FANCD2: variants seen among roughly 807,000 people sequenced by gnomAD.
FANCD2 encodes the protein FA complementation group D2, also known as Fanconi anemia group D2 protein.
In FANCD2, 131 loss-of-function variants were observed where a neutral mutation model predicts 192.3. The ratio of observed to expected loss-of-function variants is 0.68; its 90% confidence interval spans 0.59 to 0.79. The LOEUF (loss-of-function observed/expected upper bound fraction) is 0.79. Ranked by LOEUF, FANCD2 falls within the 30% of genes least tolerant of loss-of-function variation. The pLI is 0.00. For missense variants in FANCD2, 1,508 were observed against 1,701.6 expected (o/e 0.89, Z 2.00); for synonymous variants, 524 against 612.5 (o/e 0.86, Z 2.13).
intron 18 of FANCD2, among the ~76,000 whole-genome samples, chr3:10,058,496 T>C (rs982986919): frequency 6.6e-6 from 1 of 152,210 alleles, no homozygotes; most frequent in Non-Finnish European, 1.5e-5. Flanking sequence ...TTGATCCACT[T>C]TGTGTTAATT....
At chr3:10,088,032 A>C (rs1419244517) in intron 34 of FANCD2, among the ~76,000 whole-genome samples, 1 of 152,212 alleles carries the variant, frequency 6.6e-6, no homozygotes, top group Non-Finnish European at 1.5e-5. Context: ...GCAAGATAAA[A>C]ATGCAAAACA....
At position 10,065,857 on chromosome 3, in the gene FANCD2, C is replaced by G; in HGVS notation, c.2270-7C>G. ...AAAGGTAGTTGGAAATGTTTGTTCT[C>G]TCTCAGATTGTCCTATATTCCTAAC... On this transcript the variant is annotated splice_region_variant and splice_polypyrimidine_tract_variant and intron_variant, in intron 24 of 43. Coordinates refer to ENST00000675286, the MANE Select transcript of FANCD2 (RefSeq NM_001018115.3). 6.4e-7 allele frequency: 1 copy of G among 1,571,418 alleles called. No homozygotes were observed. Among genetic ancestry groups the G allele is most frequent in the Non-Finnish European group, 8.8e-7 (1 of 1,141,264 alleles).
intron 26 of FANCD2, among the ~76,000 whole-genome samples, chr3:10,068,328 T>C (rs1259903446): frequency 6.6e-6 from 1 of 152,144 alleles, no homozygotes; most frequent in Non-Finnish European, 1.5e-5. Flanking sequence ...GTAGCATTTC[T>C]GTATGCCAAC....
chr3:10,095,130 G>A, intron 40 of FANCD2, 70 bp from the exon 41 acceptor site: 2 of 1,302,292 alleles, frequency 1.5e-6, no homozygotes, highest in South Asian at 1.2e-5. Flanking sequence ...GCTTTTGATT[G>A]CAAGGGTATC....
At chr3:10,073,898 G>A (rs1693386865) in intron 28 of FANCD2, among the ~76,000 whole-genome samples, 1 of 152,184 alleles carries the variant, frequency 6.6e-6, no homozygotes, top group South Asian at 2.1e-4. Flanking sequence ...TGCTGGAGCT[G>A]GGGTTTGAAG....
intron 26 of FANCD2, among the ~76,000 whole-genome samples, chr3:10,070,486 C>G (rs1693156560): frequency 8.9e-6 from 1 of 112,568 alleles, no homozygotes; most frequent in East Asian, 2.5e-4. Flanking sequence ...GGCCAGCCTC[C>G]CGGTCCGGGA....
rs2087592559 is a variant in FANCD2, at chr3:10,062,250, T to A, written c.1827+39T>A. The A allele has an allele frequency of 2.6e-6, 4 of 1,532,216 alleles. No homozygotes were observed. In the South Asian group the frequency reaches 3.4e-5, roughly 13 times the overall value. 94.9% of individuals were successfully genotyped at this position (1,532,216 alleles called of 1,614,324 possible). ...TTCCTTTCTTTCTTTTTCCTGTCTT[T>A]TTTTTTTTTTTAGAGAGTCTCGCTC... On this transcript the variant is annotated intron_variant, in intron 20 of 43. Coordinates refer to ENST00000675286, the MANE Select transcript of FANCD2 (RefSeq NM_001018115.3).
At chr3:10,052,971 G>A (rs1316711129) in intron 18 of FANCD2, among the ~76,000 whole-genome samples, 27 of 128,722 alleles carry the variant, frequency 2.1e-4, no homozygotes, top group African/African-American at 4.5e-4. Context: ...TCAGTGTGGC[G>A]ATTCCTCAGG....
chr3:10,095,100 C>T, intron 40 of FANCD2, 100 bp from the exon 41 acceptor site: 1 of 989,502 alleles, frequency 1.0e-6, no homozygotes, highest in Admixed American at 1.9e-5. Context: ...CTGGAAACTG[C>T]AGAGTTTATC....
intron 24 of FANCD2, 121 bp from the exon 25 acceptor site, chr3:10,065,743 C>A (rs944514809): frequency 4.0e-6 from 3 of 743,902 alleles, no homozygotes; most frequent in Non-Finnish European, 7.3e-6. Flanking sequence ...TTAATCAGAT[C>A]TTGGCCTTCA....
intron 42 of FANCD2, among the ~76,000 whole-genome samples, chr3:10,097,356 T>C (rs759718454): frequency 6.6e-6 from 1 of 152,186 alleles, no homozygotes; most frequent in African/African-American, 2.4e-5. Flanking sequence ...GACTGGAGTT[T>C]ATTTCACCTC....
chr3:10,098,476 AT>A (rs148286213), intron 42 of FANCD2, among the ~76,000 whole-genome samples: 115 of 152,302 alleles, frequency 7.6e-4, no homozygotes, highest in African/African-American at 2.6e-3. Flanking sequence ...ATGTAGTGTG[AT>A]ACTAGCATAC....
At chr3:10,051,155 C>T (rs1458220705) in intron 17 of FANCD2, among the ~76,000 whole-genome samples, 10 of 150,386 alleles carry the variant, frequency 6.6e-5, no homozygotes, top group Non-Finnish European at 1.2e-4. Flanking sequence ...CCGAGGTGGG[C>T]GGATCACGAG....
At chr3:10,055,079 C>T (rs1282535137) in intron 18 of FANCD2, among the ~76,000 whole-genome samples, 1 of 152,100 alleles carries the variant, frequency 6.6e-6, no homozygotes, top group African/African-American at 2.4e-5. Context: ...TTAGCTTTTG[C>T]ATTTAGCAGT....
intron 43 of FANCD2, among the ~76,000 whole-genome samples, 164 bp from the exon 44 acceptor site, chr3:10,101,024 A>G (rs773091344): frequency 9.9e-5 from 15 of 152,004 alleles, no homozygotes; most frequent in Admixed American, 2.0e-4. Context: ...AGCTGAGATC[A>G]TGCCACTGCA....
chr3:10,050,237 A>C (rs2087154785), intron 17 of FANCD2, among the ~76,000 whole-genome samples: 1 of 152,162 alleles, frequency 6.6e-6, no homozygotes, highest in Admixed American at 6.5e-5. Context: ...AGGGAGTGAG[A>C]GTAAGGGCCA....
chr3:10,027,732 C>T (rs2086488660), intron 1 of FANCD2, among the ~76,000 whole-genome samples: 1 of 151,528 alleles, frequency 6.6e-6, no homozygotes, highest in African/African-American at 2.4e-5. Flanking sequence ...GGTGAAACCC[C>T]GTCTCTACTA....
intron 29 of FANCD2, among the ~76,000 whole-genome samples, 176 bp from the exon 30 acceptor site, chr3:10,077,905 G>A (rs1693621665): frequency 6.6e-6 from 1 of 151,982 alleles, no homozygotes; most frequent in Non-Finnish European, 1.5e-5. Flanking sequence ...ATGGTTGTGT[G>A]TGCCTATAGT....
intron 7 of FANCD2, among the ~76,000 whole-genome samples, chr3:10,038,738 G>A (rs1259432047): frequency 6.6e-6 from 1 of 151,790 alleles, no homozygotes; most frequent in African/African-American, 2.4e-5. Context: ...CCACCATCGT[G>A]CCCAGCTAAT....
Sources: allele counts gnomAD v4.1 joint callset (sites outside exome capture counted in the v4.1 genomes callset), GRCh38; gene constraint gnomAD v4.1.1; transcripts MANE v1.5; gene names NCBI Gene and HGNC (gene_info 2026-07-23, HGNC 2026-07-21).